Variants in MACROD1 observed in about 807,000 individuals in gnomAD.
MACROD1 encodes ADP-ribose glycohydrolase MACROD1.
MACROD1 carries 31 observed loss-of-function variants against 41.4 expected under a neutral mutation model. The ratio of observed to expected loss-of-function variants is 0.75; its 90% CI spans 0.56 to 1.01. MACROD1 has a LOEUF of 1.01. MACROD1 is among the 50% of genes least tolerant of loss of function. The pLI is 0.00. For synonymous variants in MACROD1, 252 were observed against 203.4 expected (o/e 1.24, Z -2.03); for missense variants, 473 against 460.0 (o/e 1.03, Z -0.26).
chr11:64,141,080 A>G (rs954189529), intron 3 of MACROD1, among the ~76,000 whole-genome samples: 1 of 152,236 alleles, frequency 6.6e-6, no homozygotes, highest in African/African-American at 2.4e-5. Context: ...GGCTGCAGTG[A>G]GCTGTGGTCA....
At chr11:64,104,967 A>G (rs919434393) in intron 3 of MACROD1, among the ~76,000 whole-genome samples, 1 of 151,974 alleles carries the variant, frequency 6.6e-6, no homozygotes, top group Non-Finnish European at 1.5e-5. Flanking sequence ...GGAAGCCCCA[A>G]TTCATTACCA....
chr11:64,093,257 C>T (rs1441205345), intron 3 of MACROD1, among the ~76,000 whole-genome samples: 1 of 152,260 alleles, frequency 6.6e-6, no homozygotes, highest in African/African-American at 2.4e-5. Flanking sequence ...TCCACATCAA[C>T]ATCTCAGCTC....
intron 3 of MACROD1, among the ~76,000 whole-genome samples, chr11:64,057,281 T>C (rs1266479098): frequency 1.3e-5 from 2 of 152,236 alleles, no homozygotes; most frequent in Non-Finnish European, 2.9e-5. Context: ...CCCTGCAGAC[T>C]GAGAGCAGGT....
chr11:64,090,490 G>C lies in MACROD1; in HGVS notation c.517+60749C>G, dbSNP rs917479745. Among the ~76,000 whole-genome samples, 2 of 152,118 alleles carry C rather than the reference G, an allele frequency of 1.3e-5. No homozygotes were observed. The highest frequency in any genetic ancestry group is 3.9e-4 in the East Asian group (2 of 5,180). ...CCCTGAGGTGGAGGAGGAGGAGGAGGCCAAATAACCACATTTGCTTCCCCG... is the reference window on the plus strand; with the variant it reads ...CCCTGAGGTGGAGGAGGAGGAGGAGCCCAAATAACCACATTTGCTTCCCCG... On this transcript the variant is annotated intron_variant, in intron 3 of 10. Coordinates refer to ENST00000255681, the MANE Select transcript of MACROD1 (RefSeq NM_014067.4). The surrounding 1 kb of genome is among the most constrained non-coding windows in gnomAD (Gnocchi z 4.7).
chr11:64,088,357 G>A (rs955500225), intron 3 of MACROD1, among the ~76,000 whole-genome samples: 1 of 152,158 alleles, frequency 6.6e-6, no homozygotes, highest in Non-Finnish European at 1.5e-5. Flanking sequence ...GGGGGCAGTG[G>A]GGCCTTGGGC....
At chr11:64,110,961 G>C (rs1590923304) in intron 3 of MACROD1, among the ~76,000 whole-genome samples, 1 of 152,190 alleles carries the variant, frequency 6.6e-6, no homozygotes, top group Non-Finnish European at 1.5e-5. Context: ...CTTGGGGAGG[G>C]GGGCGGCAGG....
intron 3 of MACROD1, among the ~76,000 whole-genome samples, chr11:64,065,679 A>C (rs1943990543): frequency 6.6e-6 from 1 of 151,562 alleles, no homozygotes; most frequent in Non-Finnish European, 1.5e-5. Context: ...AGTCCCAGCT[A>C]CTTGGGAGGC....
chr11:64,080,757 G>T (rs113508555), intron 3 of MACROD1, among the ~76,000 whole-genome samples: 2 of 152,170 alleles, frequency 1.3e-5, no homozygotes, highest in African/African-American at 4.8e-5. Flanking sequence ...GGATCCAGGG[G>T]TGGCTTTTAG....
rs534331974 is a variant in MACROD1 at position 64,120,940 on chromosome 11, T to C, written c.517+30299A>G. 6.6e-6 allele frequency among the ~76,000 whole-genome samples: 1 copy of C among 152,214 alleles called. No homozygotes were observed. Among genetic ancestry groups the C allele is most frequent in the Non-Finnish European group, 1.5e-5 (1 of 67,990 alleles). On this transcript the variant is annotated intron_variant, in intron 3 of 10. Coordinates refer to ENST00000255681, the MANE Select transcript of MACROD1 (RefSeq NM_014067.4). This position sits in a 1 kb window ranked among gnomAD's most constrained non-coding sequence, Gnocchi z 4.5. ...GCCAGCACACTGTCCCCACCTCACC[T>C]AGGTCCCCCTGTCTCCTCTCCCCAC... is the stretch of plus-strand genomic sequence containing the variant.
At chr11:64,002,209 C>G (rs1029788291) in intron 4 of MACROD1, among the ~76,000 whole-genome samples, 1 of 152,178 alleles carries the variant, frequency 6.6e-6, no homozygotes, top group African/African-American at 2.4e-5. Context: ...AGGAGCCTCC[C>G]GGGTCGAGCA....
chr11:64,132,717 AC>A (rs1945282774), intron 3 of MACROD1, among the ~76,000 whole-genome samples: 1 of 152,076 alleles, frequency 6.6e-6, no homozygotes, highest in African/African-American at 2.4e-5. Context: ...TCCCCATGTG[AC>A]CATCCAGATC....
At chr11:64,088,819 G>C (rs1442214746) in intron 3 of MACROD1, among the ~76,000 whole-genome samples, 1 of 152,194 alleles carries the variant, frequency 6.6e-6, no homozygotes, top group African/African-American at 2.4e-5. Flanking sequence ...TGGTGGGTGG[G>C]AGTGGCTGTT....
intron 3 of MACROD1, among the ~76,000 whole-genome samples, chr11:64,077,800 GCCGCCGCTCGGA>G (rs1944230556): frequency 6.6e-6 from 1 of 152,250 alleles, no homozygotes; most frequent in Non-Finnish European, 1.5e-5. Flanking sequence ...TGGGCCTCCG[GCCGCCGCTCGGA>G]CATTTGGGCA....
intron 3 of MACROD1, among the ~76,000 whole-genome samples, chr11:64,074,688 C>T (rs1036067829): frequency 6.6e-6 from 1 of 152,204 alleles, no homozygotes; most frequent in Non-Finnish European, 1.5e-5. Flanking sequence ...ATCCCAGGAG[C>T]TAGATACCAC....
intron 3 of MACROD1, among the ~76,000 whole-genome samples, chr11:64,071,361 G>A (rs1283743047): frequency 6.6e-6 from 1 of 152,176 alleles, no homozygotes; most frequent in Non-Finnish European, 1.5e-5. Flanking sequence ...GCCCAGCACA[G>A]AGCAGCTCTC....
intron 3 of MACROD1, among the ~76,000 whole-genome samples, chr11:64,113,873 T>TGTATGGAA (rs1944911964): frequency 7.4e-6 from 1 of 135,220 alleles, no homozygotes; most frequent in Non-Finnish European, 1.6e-5. Context: ...GATTGATACA[T>TGTATGGAA]GGATGGATGG....
intron 3 of MACROD1, among the ~76,000 whole-genome samples, chr11:64,037,151 G>T (rs890226631): frequency 1.3e-5 from 2 of 152,194 alleles, no homozygotes. Flanking sequence ...ACGGAGGTGA[G>T]GGGTGACTGA....
At chr11:64,012,058 G>A (rs551341445) in intron 4 of MACROD1, among the ~76,000 whole-genome samples, 8 of 152,264 alleles carry the variant, frequency 5.3e-5, no homozygotes, top group South Asian at 4.2e-4. Flanking sequence ...AAGTGCTGGC[G>A]GCGGCTCCAT....
intron 3 of MACROD1, among the ~76,000 whole-genome samples, chr11:64,089,934 C>G (rs924834732): frequency 6.6e-6 from 1 of 152,158 alleles, no homozygotes; most frequent in African/African-American, 2.4e-5. Flanking sequence ...CCTCAGTTTG[C>G]CCCCCACGCC....
Sources: gnomAD v4.1 joint callset for allele counts (sites outside exome capture counted in the v4.1 genomes callset) on GRCh38, gnomAD v4.1.1 for gene constraint, Gnocchi (gnomAD v3.1) non-coding constraint, MANE v1.5 for transcripts, NCBI Gene and HGNC (gene_info 2026-07-23, HGNC 2026-07-21) for gene names.